The following GSTO2 variants were observed in gnomAD, a reference collection of about 807,000 sequenced individuals.
GSTO2 encodes glutathione S-transferase omega 2.
Under a neutral mutation model 28.4 loss-of-function variants are expected in GSTO2, and 23 were observed. The ratio of observed to expected loss-of-function variants is 0.81; its 90% CI spans 0.58 to 1.15. GSTO2 has a LOEUF of 1.15. Ranked by LOEUF, GSTO2 falls within the 50% of genes most tolerant of loss-of-function variation. The pLI is 0.00. For synonymous variants in GSTO2, 109 were observed against 111.0 expected (o/e 0.98, Z 0.11); for missense variants, 298 against 297.8 (o/e 1.00, Z 0.00).
chr10:104,295,663 G>A (rs150610131), intron 5 of GSTO2: 1 of 152,198 alleles, frequency 6.6e-6, no homozygotes, highest in Non-Finnish European at 1.5e-5. Flanking sequence ...GTTGCCCCAG[G>A]TTCCATGCTG....
intron 6 of GSTO2, among the ~76,000 whole-genome samples, chr10:104,298,094 A>T (rs1014664340): frequency 3.3e-5 from 5 of 152,236 alleles, no homozygotes; most frequent in Non-Finnish European, 4.4e-5. Flanking sequence ...CTTCCCCCAG[A>T]TAGGAATAAC....
intron 5 of GSTO2, among the ~76,000 whole-genome samples, chr10:104,288,010 C>G (rs1405030529): frequency 2.6e-5 from 4 of 151,382 alleles, no homozygotes; most frequent in Admixed American, 2.6e-4. Context: ...GCCTCAGCCT[C>G]CCAAGTAGCT....
Position 104,297,484 on chromosome 10 carries a change from T to C in GSTO2, c.469-94T>C, listed in dbSNP as rs2013092016. Reference sequence around the variant, plus strand: ...GAAGGAGAGAGGCCTCAGTTCTCCCTCTCTGGGAATTAATTTGAGATTTAC... The same window carrying C: ...GAAGGAGAGAGGCCTCAGTTCTCCCCCTCTGGGAATTAATTTGAGATTTAC... On this transcript the variant is annotated intron_variant, in intron 5 of 6. Coordinates refer to ENST00000338595, the MANE Select transcript of GSTO2 (RefSeq NM_183239.2). 3.9e-6 allele frequency: 3 copies of C among 768,226 alleles called. No individual in the cohort carries two copies. In the East Asian group the frequency reaches 8.4e-5, roughly 21 times the overall value. The allele number at this position is 768,226 out of a possible 1,614,324, so 47.6% of individuals were successfully genotyped here.
In GSTO2 at chr10:104,299,537, G is replaced by C; in HGVS notation, c.*253G>C. The C allele has an allele frequency of 2.4e-6, 1 of 409,496 alleles. No individual in the cohort carries two copies. The allele number at this position is 409,496 out of a possible 1,614,324, so 25.4% of individuals were successfully genotyped here. On this transcript the variant is annotated 3_prime_UTR_variant, in exon 7 of 7. Coordinates refer to ENST00000338595, the MANE Select transcript of GSTO2 (RefSeq NM_183239.2). Reference sequence around the variant, plus strand: ...TCGTTACTCAGGCTGGAGTGCAGTGGGACAGTCGGCTCACTGCAGCCTTGA... The same window carrying C: ...TCGTTACTCAGGCTGGAGTGCAGTGCGACAGTCGGCTCACTGCAGCCTTGA...
chr10:104,274,898 G>T lies in GSTO2; in HGVS notation c.-18G>T. ...GGCGACCGTGAGCTCCGGGAGCTGCGCAAACCACCTGGAGACCATGTCTGG... is the reference window on the plus strand; with the variant it reads ...GGCGACCGTGAGCTCCGGGAGCTGCTCAAACCACCTGGAGACCATGTCTGG... On this transcript the variant is annotated 5_prime_UTR_variant, in exon 2 of 7. Transcript: ENST00000338595. The T allele has an allele frequency of 6.2e-7, 1 of 1,607,178 alleles. No homozygotes were observed. Among genetic ancestry groups the T allele is most frequent in the Non-Finnish European group, 8.5e-7 (1 of 1,177,282 alleles).
In GSTO2 at chr10:104,303,284, G is replaced by C. The variant is rs1004159170; in HGVS notation, c.*4000G>C. ...TATGGTTGTGACCAAAATGCCAGTA[G>C]TGATATGGACAGTGAAGGCCAGGCT... is the stretch of plus-strand genomic sequence containing the variant. On this transcript the variant is annotated 3_prime_UTR_variant, in exon 7 of 7. Transcript: ENST00000338595. 8.5e-5 allele frequency: 13 copies of C among 152,348 alleles called. No homozygotes were observed. Among genetic ancestry groups the C allele is most frequent in the African/African-American group, 2.9e-4 (12 of 41,584 alleles). 9.4% of individuals were successfully genotyped at this position (152,348 alleles called of 1,614,324 possible).
chr10:104,280,185 A>C (rs2011946076), intron 5 of GSTO2, among the ~76,000 whole-genome samples: 3 of 150,824 alleles, frequency 2.0e-5, no homozygotes, highest in African/African-American at 7.3e-5. Context: ...AAAAAAAAAA[A>C]AAAAAAGCCA....
Position 104,274,963 on chromosome 10 carries a change from A to T in GSTO2, c.34+14A>T. 6.3e-7 allele frequency: 1 copy of T among 1,577,104 alleles called. No homozygotes were observed. Among genetic ancestry groups the T allele is most frequent in the Non-Finnish European group, 8.6e-7 (1 of 1,165,420 alleles). ...CCCTGGGGAAAGGTGAGTGCTCTCC[A>T]TGGGGTCCGCGAGCTGGGGGCGCCG... is the stretch of plus-strand genomic sequence containing the variant. On this transcript the variant is annotated intron_variant, in intron 2 of 6. Coordinates refer to ENST00000338595, the MANE Select transcript of GSTO2 (RefSeq NM_183239.2).
chr10:104,272,158 G>A (rs77478998), intron 1 of GSTO2, among the ~76,000 whole-genome samples: 11,275 of 152,156 alleles, frequency 0.074, 1,401 homozygotes, highest in African/African-American at 0.26. Context: ...GTGCATGTGC[G>A]GGGGCACAGG....
chr10:104,301,783 T>C lies in GSTO2; in HGVS notation c.*2499T>C, dbSNP rs2013263622. ...TAATAGAGATGGGGTTTCGCTATGT[T>C]GACCAGGCTGGTCTTGAACTCCTGG... On this transcript the variant is annotated 3_prime_UTR_variant, in exon 7 of 7. Coordinates refer to ENST00000338595, the MANE Select transcript of GSTO2 (RefSeq NM_183239.2). 6.6e-6 allele frequency: 1 copy of C among 152,232 alleles called. No individual in the cohort carries two copies. The highest frequency in any genetic ancestry group is 2.1e-4 in the South Asian group (1 of 4,826). The allele number at this position is 152,232 out of a possible 1,614,324, so 9.4% of individuals were successfully genotyped here. A position where few individuals can be genotyped will look rare whatever the true frequency, so the allele number is the denominator to read the frequency against.
chr10:104,283,163 C>T (rs2012187701), intron 5 of GSTO2, among the ~76,000 whole-genome samples: 1 of 152,174 alleles, frequency 6.6e-6, no homozygotes, highest in South Asian at 2.1e-4. Flanking sequence ...ACTTTATCTT[C>T]AATAACTGAG....
At position 104,304,663 on chromosome 10, in the gene GSTO2, C is replaced by T. The variant is rs1451486468; in HGVS notation, c.*5379C>T. 1 of 152,180 alleles carries T rather than the reference C, an allele frequency of 6.6e-6. No individual in the cohort carries two copies. The highest frequency in any genetic ancestry group is 1.5e-5 in the Non-Finnish European group (1 of 68,036). The allele number at this position is 152,180 out of a possible 1,614,324, so 9.4% of individuals were successfully genotyped here. A position where few individuals can be genotyped will look rare whatever the true frequency, so the allele number is the denominator to read the frequency against. On this transcript the variant is annotated 3_prime_UTR_variant, in exon 7 of 7. Transcript: ENST00000338595. Reference sequence around the variant, plus strand: ...TGAATGGCAGGCAACCCTATTATGACTAGGCTTCTGCCAATGATCAGACTT... The same window carrying T: ...TGAATGGCAGGCAACCCTATTATGATTAGGCTTCTGCCAATGATCAGACTT...
rs1564842661 is a variant in GSTO2 at position 104,274,996 on chromosome 10, G to C, written c.34+47G>C. The stretch of plus-strand genomic sequence containing the variant: ...CGCGAGCTGGGGGCGCCGCGTGACA[G>C]AAAATGTTGGCTTCGGCGGAGCTGC... On this transcript the variant is annotated intron_variant, in intron 2 of 6. Transcript: ENST00000338595. The C allele has an allele frequency of 1.9e-6, 3 of 1,561,372 alleles. No individual in the cohort carries two copies. In the Admixed American group the frequency reaches 6.3e-5, roughly 33 times the overall value.
At chr10:104,285,876 A>C in intron 5 of GSTO2, 1 of 285,958 alleles carries the variant, frequency 3.5e-6, no homozygotes, top group Non-Finnish European at 7.2e-6. Context: ...ATTTTTATTA[A>C]TTTCCAGTGA....
chr10:104,280,071 C>A lies in GSTO2; in HGVS notation c.468+600C>A, dbSNP rs181418299. Among the ~76,000 whole-genome samples the A allele has an allele frequency of 6.9e-5, 10 of 145,638 alleles. No individual in the cohort carries two copies. The East Asian group carries it at 1.9e-3, about 27-fold the overall frequency. ...GTCCCAGCTACTTAGGAGGCTGAGG[C>A]AGGAGGATTGCTTGAGTCTGGGAGG... is the stretch of plus-strand genomic sequence containing the variant. On this transcript the variant is annotated intron_variant, in intron 5 of 6. Transcript: ENST00000338595.
chr10:104,295,756 A>T (rs1385753893), intron 5 of GSTO2: 1 of 151,832 alleles, frequency 6.6e-6, no homozygotes, highest in Non-Finnish European at 1.5e-5. Flanking sequence ...ACTCTGAATC[A>T]CCCCACAGCA....
At chr10:104,280,165 CAAAAAAA>C (rs56803318) in intron 5 of GSTO2, among the ~76,000 whole-genome samples, 7 of 57,076 alleles carry the variant, frequency 1.2e-4, no homozygotes, top group African/African-American at 1.8e-4. Context: ...GTAGGACTGA[CAAAAAAA>C]AAAAAAAAAA....
chr10:104,297,557 T>C, intron 5 of GSTO2, 21 bp from the exon 6 acceptor site: 1 of 1,499,528 alleles, frequency 6.7e-7, no homozygotes, highest in Non-Finnish European at 9.3e-7. Context: ...TTATTTGCTT[T>C]TGCTTTGTTT....
chr10:104,299,396 A>G lies in GSTO2; in HGVS notation c.*112A>G. On this transcript the variant is annotated 3_prime_UTR_variant, in exon 7 of 7. Transcript: ENST00000338595. ...CTCTTTCTTTTCTTTGAAGTTCCCAATAAAATGAAAACAGGAAATGTATTC... is the reference window on the plus strand; with the variant it reads ...CTCTTTCTTTTCTTTGAAGTTCCCAGTAAAATGAAAACAGGAAATGTATTC... 1 of 1,235,346 alleles carries G rather than the reference A, an allele frequency of 8.1e-7. No individual in the cohort carries two copies. Among genetic ancestry groups the G allele is most frequent in the Non-Finnish European group, 1.2e-6 (1 of 862,162 alleles). 76.5% of individuals were successfully genotyped at this position (1,235,346 alleles called of 1,614,324 possible). A position where few individuals can be genotyped will look rare whatever the true frequency, so the allele number is the denominator to read the frequency against.
Sources: allele counts gnomAD v4.1 joint callset (sites outside exome capture counted in the v4.1 genomes callset), GRCh38; gene constraint gnomAD v4.1.1; transcripts MANE v1.5; gene names NCBI Gene and HGNC (gene_info 2026-07-23, HGNC 2026-07-21).